Variants in FAM107B observed in about 807,000 individuals in gnomAD.
The protein encoded by FAM107B is protein FAM107B.
In FAM107B, 21 loss-of-function variants were observed where a neutral mutation model predicts 31.5. The observed-to-expected ratio is 0.67, with a 90% CI of 0.47 to 0.96. The LOEUF (loss-of-function observed/expected upper bound fraction) is 0.96. Among genes scored for constraint, FAM107B ranks in the 40% least tolerant of loss-of-function variants. FAM107B has a pLI of 0.00. For synonymous variants in FAM107B, 157 were observed against 141.5 expected, an observed-to-expected ratio of 1.11 and a Z score of -0.78; for missense variants, 452 against 377.1, an observed-to-expected ratio of 1.20 and a Z score of -1.64.
chr10:14,599,711 T>G (rs896908660), intron 2 of FAM107B, among the ~76,000 whole-genome samples: 1 of 152,196 alleles, frequency 6.6e-6, no homozygotes, highest in African/African-American at 2.4e-5. Context: ...TATAAAAGAA[T>G]GTAGAATCTG....
intron 2 of FAM107B, among the ~76,000 whole-genome samples, chr10:14,629,220 A>G (rs1401002319): frequency 1.4e-5 from 2 of 139,998 alleles, no homozygotes; most frequent in Non-Finnish European, 3.0e-5. Context: ...TTATATTTAT[A>G]TAATACATGT....
In FAM107B at chr10:14,686,879, C is replaced by A. The variant is rs568149699; in HGVS notation, c.412-19188G>T. 2.6e-3 allele frequency among the ~76,000 whole-genome samples: 389 copies of A among 152,354 alleles called. 5 individuals are homozygous for A. The highest frequency in any genetic ancestry group is 8.1e-3 in the African/African-American group (335 of 41,592). The stretch of plus-strand genomic sequence containing the variant: ...TCTCCAGCCCTCTCCTGGGCCCCAC[C>A]AATGCCCAGGGCCCTTGCTATGCAT... On this transcript the variant is annotated intron_variant, in intron 1 of 4. Coordinates refer to ENST00000181796, the MANE Select transcript of FAM107B (RefSeq NM_031453.4).
At chr10:14,747,512 C>CT (rs1832749759) in intron 1 of FAM107B, among the ~76,000 whole-genome samples, 1 of 151,940 alleles carries the variant, frequency 6.6e-6, no homozygotes, top group African/African-American at 2.4e-5. Flanking sequence ...GTTGTTGTTG[C>CT]TTTCTGTTTG....
intron 1 of FAM107B, among the ~76,000 whole-genome samples, chr10:14,670,707 C>T (rs1024373955): frequency 6.6e-6 from 1 of 152,198 alleles, no homozygotes; most frequent in Non-Finnish European, 1.5e-5. Flanking sequence ...TCTTAAATAG[C>T]CCCTCCCTAA....
At chr10:14,704,546 C>T (rs979166171) in intron 1 of FAM107B, among the ~76,000 whole-genome samples, 3 of 152,104 alleles carry the variant, frequency 2.0e-5, no homozygotes, top group Admixed American at 1.3e-4. Flanking sequence ...GGGCAGCCTT[C>T]AAAGTTCAAG....
At chr10:14,598,138 C>T (rs536388402) in intron 2 of FAM107B, among the ~76,000 whole-genome samples, 25 of 152,202 alleles carry the variant, frequency 1.6e-4, no homozygotes, top group Admixed American at 6.5e-5. Flanking sequence ...CTTTTCACTC[C>T]GTTGACTGTT....
At chr10:14,650,671 C>T (rs1490529230) in intron 2 of FAM107B, among the ~76,000 whole-genome samples, 1 of 152,190 alleles carries the variant, frequency 6.6e-6, no homozygotes, top group Non-Finnish European at 1.5e-5. Context: ...TCCTCCATTC[C>T]ATAAAACTAT....
intron 1 of FAM107B, among the ~76,000 whole-genome samples, chr10:14,690,930 T>A (rs1055141280): frequency 8.1e-6 from 1 of 123,336 alleles, no homozygotes; most frequent in Admixed American, 8.5e-5. Context: ...TCATGGGCAT[T>A]TGTTGATTGA....
intron 2 of FAM107B, among the ~76,000 whole-genome samples, chr10:14,636,640 A>G (rs895727334): frequency 2.0e-5 from 3 of 152,046 alleles, no homozygotes; most frequent in African/African-American, 7.3e-5. Context: ...GTCCATCTCC[A>G]AACACAGTTA....
At chr10:14,524,822 A>G (rs1039553196) in intron 3 of FAM107B, among the ~76,000 whole-genome samples, 12 of 152,180 alleles carry the variant, frequency 7.9e-5, no homozygotes, top group African/African-American at 2.9e-4. Context: ...CTATTATTCA[A>G]TTCTCCTGGA....
rs187206954 is a variant in FAM107B, at chr10:14,581,695, G to C, written c.470-51180C>G. 1.8e-3 allele frequency among the ~76,000 whole-genome samples: 270 copies of C among 152,318 alleles called. 1 individual carries two copies. The highest frequency in any genetic ancestry group is 6.1e-3 in the African/African-American group (252 of 41,558). ...GCAGGATGACTGTTTGAGGTCAAGA[G>C]TTGGAGAACAGCCTGGGCACCATAG... On this transcript the variant is annotated intron_variant, in intron 2 of 4. Coordinates refer to ENST00000181796, the MANE Select transcript of FAM107B (RefSeq NM_031453.4).
At chr10:14,657,690 T>C (rs1426271277) in intron 2 of FAM107B, among the ~76,000 whole-genome samples, 3 of 152,228 alleles carry the variant, frequency 2.0e-5, no homozygotes, top group Non-Finnish European at 4.4e-5. Context: ...TGTTAATATA[T>C]ATTACAGCCC....
chr10:14,750,044 C>T (rs1376102404), intron 1 of FAM107B, among the ~76,000 whole-genome samples: 2 of 152,194 alleles, frequency 1.3e-5, no homozygotes. Context: ...TGGAAGCGAA[C>T]AGCTCCAGCG....
intron 2 of FAM107B, among the ~76,000 whole-genome samples, chr10:14,614,017 G>A (rs1852790752): frequency 6.6e-6 from 1 of 152,146 alleles, no homozygotes; most frequent in Admixed American, 6.5e-5. Flanking sequence ...TGTAGTCCCA[G>A]CTACTCGGGA....
chr10:14,733,888 AT>A (rs1856232449), intron 1 of FAM107B, among the ~76,000 whole-genome samples: 1 of 152,226 alleles, frequency 6.6e-6, no homozygotes, highest in African/African-American at 2.4e-5. Context: ...TATTAACTGC[AT>A]AAACCCTTTG....
At chr10:14,569,780 A>T (rs1851032613) in intron 2 of FAM107B, among the ~76,000 whole-genome samples, 1 of 152,102 alleles carries the variant, frequency 6.6e-6, no homozygotes, top group South Asian at 2.1e-4. Flanking sequence ...TCCCTCCTCA[A>T]TGCAAGGCCG....
intron 2 of FAM107B, among the ~76,000 whole-genome samples, chr10:14,559,119 A>AAAC (rs1554832899): frequency 2.9e-3 from 102 of 35,634 alleles, no homozygotes; most frequent in African/African-American, 8.2e-3. Context: ...AAAAAAAAAC[A>AAAC]AAAAAAAAAC....
intron 1 of FAM107B, among the ~76,000 whole-genome samples, chr10:14,671,193 G>C (rs74122898): frequency 2.0e-5 from 3 of 152,116 alleles, no homozygotes; most frequent in Admixed American, 6.5e-5. Context: ...CCATCAGTCT[G>C]CTGCATTTCC....
chr10:14,627,372 G>T (rs949336937), intron 2 of FAM107B, among the ~76,000 whole-genome samples: 1 of 152,206 alleles, frequency 6.6e-6, no homozygotes, highest in African/African-American at 2.4e-5. Context: ...AAACAGACAG[G>T]AGGAGATCAG....
Sources: gnomAD v4.1 joint callset for allele counts (sites outside exome capture counted in the v4.1 genomes callset) on GRCh38, gnomAD v4.1.1 for gene constraint, MANE v1.5 for transcripts, NCBI Gene and HGNC (gene_info 2026-07-23, HGNC 2026-07-21) for gene names.